The following RAP1B variants were observed in gnomAD, a reference collection of about 807,000 sequenced individuals.
RAP1B encodes the protein ras-related protein Rap-1b.
Under a neutral mutation model 27.5 loss-of-function variants are expected in RAP1B, and 1 was observed. That is an observed-to-expected ratio of 0.04 (90% CI 0.01 to 0.17). The LOEUF (loss-of-function observed/expected upper bound fraction) is 0.17. Ranked by LOEUF, RAP1B falls within the 10% of genes least tolerant of loss-of-function variation. The pLI is 1.00. For synonymous variants in RAP1B, 75 were observed against 73.1 expected (o/e 1.03, Z -0.13); for missense variants, 84 against 214.8 (o/e 0.39, Z 3.81).
At chr12:68,626,734 C>T in intron 1 of RAP1B, 1 of 782,532 alleles carries the variant, frequency 1.3e-6, no homozygotes, top group Non-Finnish European at 2.0e-6. Flanking sequence ...GGGTAAAGGT[C>T]TTAAGGAAGA....
At chr12:68,636,350 G>T (rs1161253858) in intron 1 of RAP1B, among the ~76,000 whole-genome samples, 1 of 152,206 alleles carries the variant, frequency 6.6e-6, no homozygotes, top group Non-Finnish European at 1.5e-5. Flanking sequence ...CCCAGAAGTT[G>T]GTTTTAACAC....
At chr12:68,650,295 TC>T (rs1873721424) in intron 2 of RAP1B, 104 bp from the exon 3 acceptor site, 1 of 1,082,716 alleles carries the variant, frequency 9.2e-7, no homozygotes, top group Non-Finnish European at 1.3e-6. Context: ...GTTTTTTTTT[TC>T]ATTGATGGTG....
At chr12:68,626,142 A>T (rs534560233) in intron 1 of RAP1B, among the ~76,000 whole-genome samples, 1 of 152,226 alleles carries the variant, frequency 6.6e-6, no homozygotes, top group African/African-American at 2.4e-5. Flanking sequence ...ATCCTTGTGG[A>T]GGGTGGTGGT....
intron 1 of RAP1B, among the ~76,000 whole-genome samples, chr12:68,648,301 A>G (rs1321492946): frequency 6.6e-6 from 1 of 152,214 alleles, no homozygotes; most frequent in Non-Finnish European, 1.5e-5. Flanking sequence ...TATTATATTT[A>G]CCATTTATGT....
chr12:68,656,695 A>G (rs912733492), intron 6 of RAP1B: 18 of 566,376 alleles, frequency 3.2e-5, no homozygotes, highest in South Asian at 4.9e-5. Context: ...ATACATGGAT[A>G]GGGAAGACAG....
intron 1 of RAP1B, among the ~76,000 whole-genome samples, chr12:68,638,685 A>T (rs1440758015): frequency 6.6e-6 from 1 of 152,060 alleles, no homozygotes; most frequent in Non-Finnish European, 1.5e-5. Context: ...TTTGAGACAG[A>T]GTCTCACTCT....
chr12:68,613,782 A>C (rs577410236), intron 1 of RAP1B, among the ~76,000 whole-genome samples: 1 of 152,378 alleles, frequency 6.6e-6, no homozygotes, highest in South Asian at 2.1e-4. Context: ...GGTAATGAAC[A>C]TTCAAAGAGA....
intron 1 of RAP1B, among the ~76,000 whole-genome samples, chr12:68,643,254 A>G (rs971486022): frequency 4.6e-5 from 7 of 152,132 alleles, no homozygotes; most frequent in Admixed American, 3.3e-4. Flanking sequence ...TTTTCTACTG[A>G]TGTACAAGTA....
At chr12:68,622,307 C>G (rs1871439709) in intron 1 of RAP1B, among the ~76,000 whole-genome samples, 1 of 152,304 alleles carries the variant, frequency 6.6e-6, no homozygotes, top group South Asian at 2.1e-4. Flanking sequence ...TTTTGTCCTT[C>G]CCCACATTAT....
chr12:68,617,609 A>G (rs1871119375), intron 1 of RAP1B, among the ~76,000 whole-genome samples: 1 of 152,238 alleles, frequency 6.6e-6, no homozygotes, highest in South Asian at 2.1e-4. Context: ...TGCCATCACT[A>G]CAATGACTTT....
At chr12:68,642,048 CTT>C (rs764123948) in intron 1 of RAP1B, among the ~76,000 whole-genome samples, 35 of 152,250 alleles carry the variant, frequency 2.3e-4, no homozygotes, top group South Asian at 1.7e-3. Context: ...ATGCTACAGT[CTT>C]TTCTGTTTAA....
intron 4 of RAP1B, among the ~76,000 whole-genome samples, chr12:68,653,818 C>T (rs530124207): frequency 1.3e-5 from 2 of 151,982 alleles, no homozygotes; most frequent in East Asian, 3.9e-4. Context: ...GTTGTCCCAG[C>T]TACTCGGGAG....
chr12:68,655,189 G>A (rs1283837366), intron 5 of RAP1B, among the ~76,000 whole-genome samples: 6 of 152,016 alleles, frequency 3.9e-5, no homozygotes, highest in Admixed American at 1.3e-4. Context: ...ATGGTGGCGC[G>A]TGCCTGTGGT....
chr12:68,619,653 ATTAC>A (rs1464988172), intron 1 of RAP1B, among the ~76,000 whole-genome samples: 1 of 152,132 alleles, frequency 6.6e-6, no homozygotes, highest in Non-Finnish European at 1.5e-5. Context: ...TGTATTTTGT[ATTAC>A]TTATTTTTCC....
At chr12:68,617,762 C>G (rs1017930269) in intron 1 of RAP1B, among the ~76,000 whole-genome samples, 1 of 151,390 alleles carries the variant, frequency 6.6e-6, no homozygotes, top group African/African-American at 2.4e-5. Flanking sequence ...TAAAATAATA[C>G]AGTAATGTAC....
At chr12:68,629,708 T>C (rs905702820) in intron 1 of RAP1B, among the ~76,000 whole-genome samples, 2 of 152,154 alleles carry the variant, frequency 1.3e-5, no homozygotes, top group Non-Finnish European at 2.9e-5. Flanking sequence ...AACAACTCAA[T>C]CTGTTAACTA....
rs1874990902 is a variant in RAP1B at position 68,669,560 on chromosome 12, TC to T, written c.*10312del. ...GCTCACACCTGTAATCCCAGCACTT[TC>T]GGAGGCCGAGGGGGGCGGATCACGA... On this transcript the variant is annotated 3_prime_UTR_variant, in exon 8 of 8. Coordinates refer to ENST00000250559, the MANE Select transcript of RAP1B (RefSeq NM_001010942.3). 1 of 152,188 alleles carries T rather than the reference TC, an allele frequency of 6.6e-6. No homozygotes were observed. Among genetic ancestry groups the T allele is most frequent in the Non-Finnish European group, 1.5e-5 (1 of 68,074 alleles). 9.4% of individuals were successfully genotyped at this position (152,188 alleles called of 1,614,324 possible).
intron 1 of RAP1B, among the ~76,000 whole-genome samples, chr12:68,612,717 C>A (rs942648350): frequency 3.9e-5 from 6 of 152,214 alleles, no homozygotes; most frequent in Non-Finnish European, 8.8e-5. Context: ...GAAACTGATA[C>A]TCAGATTAAA....
At chr12:68,613,215 C>A (rs986955647) in intron 1 of RAP1B, among the ~76,000 whole-genome samples, 1 of 151,780 alleles carries the variant, frequency 6.6e-6, no homozygotes, top group Non-Finnish European at 1.5e-5. Context: ...CAAAACATAG[C>A]CGGGTGTAGT....
Sources: allele counts gnomAD v4.1 joint callset (sites outside exome capture counted in the v4.1 genomes callset), GRCh38; gene constraint gnomAD v4.1.1; transcripts MANE v1.5; gene names NCBI Gene and HGNC (gene_info 2026-07-23, HGNC 2026-07-21).